Variants in RBFOX1 observed in about 807,000 individuals in gnomAD.
RBFOX1 encodes RNA binding fox-1 homolog 1.
A neutral mutation model predicts 57.7 loss-of-function variants in RBFOX1; 8 were observed. The ratio of observed to expected loss-of-function variants is 0.14; its 90% CI spans 0.08 to 0.25. RBFOX1 has a LOEUF of 0.25. RBFOX1 is among the 10% of genes least tolerant of loss of function. The pLI is 1.00. For missense variants in RBFOX1, 611 were observed against 548.5 expected (o/e 1.11, Z -1.14); for synonymous variants, 326 against 222.4 (o/e 1.47, Z -4.15).
chr16:7,122,799 A>G (rs1318992186), intron 4 of RBFOX1, among the ~76,000 whole-genome samples: 2 of 152,188 alleles, frequency 1.3e-5, no homozygotes, highest in Non-Finnish European at 2.9e-5. Context: ...CCCCCTAGAA[A>G]CAAGCCATAT....
intron 14 of RBFOX1, among the ~76,000 whole-genome samples, chr16:7,708,222 G>A (rs957599568): frequency 6.6e-6 from 1 of 151,920 alleles, no homozygotes; most frequent in East Asian, 1.9e-4. Flanking sequence ...GCGACCTTGA[G>A]CAAGTGACTT....
At chr16:5,856,294 CACACACA>C (rs2057053924) in intron 3 of RBFOX1, among the ~76,000 whole-genome samples, 2 of 79,572 alleles carry the variant, frequency 2.5e-5, no homozygotes, top group Non-Finnish European at 4.8e-5. Flanking sequence ...TACACACACA[CACACACA>C]CACACACACA....
intron 1 of RBFOX1, among the ~76,000 whole-genome samples, chr16:6,211,165 A>G (rs902342127): frequency 6.7e-6 from 1 of 148,798 alleles, no homozygotes; most frequent in Non-Finnish European, 1.5e-5. Context: ...TTTTGCTTCC[A>G]TGAGACAGAG....
chr16:5,751,472 A>G (rs1430789742), intron 3 of RBFOX1, among the ~76,000 whole-genome samples: 1 of 152,236 alleles, frequency 6.6e-6, no homozygotes, highest in Admixed American at 6.5e-5. Context: ...ACTTCTGCTT[A>G]AAATCAGATA....
intron 3 of RBFOX1, among the ~76,000 whole-genome samples, chr16:6,822,854 T>A (rs977679535): frequency 6.6e-6 from 1 of 152,196 alleles, no homozygotes; most frequent in African/African-American, 2.4e-5. Context: ...TCTTTGTGCC[T>A]TAAAATGCCT....
chr16:7,700,221 G>A (rs2080216451), intron 14 of RBFOX1, among the ~76,000 whole-genome samples: 1 of 152,120 alleles, frequency 6.6e-6, no homozygotes, highest in South Asian at 2.1e-4. Context: ...ACATAAAATA[G>A]ACGAGAGGCA....
intron 4 of RBFOX1, chr16:7,126,348 G>C (rs1257780412): frequency 3.8e-6 from 1 of 263,802 alleles, no homozygotes; most frequent in Non-Finnish European, 7.5e-6. Flanking sequence ...AAATCGAGGT[G>C]GGGGTTTTTG....
At chr16:5,344,279 C>G (rs1399971612) in intron 1 of RBFOX1, among the ~76,000 whole-genome samples, 2 of 152,190 alleles carry the variant, frequency 1.3e-5, no homozygotes, top group Non-Finnish European at 2.9e-5. Flanking sequence ...CCTGCTAAAC[C>G]ATGTGGTCCC....
At chr16:7,292,396 A>T in intron 4 of RBFOX1, among the ~76,000 whole-genome samples, 1 of 141,292 alleles carries the variant, frequency 7.1e-6, no homozygotes, top group East Asian at 2.0e-4. Flanking sequence ...ATGATATATA[A>T]TATGTAATGT....
intron 9 of RBFOX1, among the ~76,000 whole-genome samples, chr16:7,602,553 C>A (rs1056366641): frequency 2.6e-5 from 4 of 152,168 alleles, no homozygotes; most frequent in African/African-American, 9.7e-5. Context: ...TGTTCATCTT[C>A]CTGACAGTGC....
intron 1 of RBFOX1, among the ~76,000 whole-genome samples, chr16:5,346,366 A>G (rs1193671837): frequency 2.0e-5 from 3 of 152,220 alleles, no homozygotes; most frequent in African/African-American, 7.2e-5. Context: ...CATTACATAA[A>G]TTGTCAGGAG....
intron 2 of RBFOX1, among the ~76,000 whole-genome samples, chr16:6,380,745 C>T (rs1348137577): frequency 1.3e-5 from 2 of 151,988 alleles, no homozygotes; most frequent in Admixed American, 1.3e-4. Context: ...AACTCTGGGT[C>T]CAAAGGAGAA....
chr16:6,217,317 A>C (rs374253727), intron 1 of RBFOX1, among the ~76,000 whole-genome samples: 3 of 151,984 alleles, frequency 2.0e-5, no homozygotes, highest in South Asian at 4.1e-4. Context: ...TTATTGGAGC[A>C]TGCATGTGTT....
intron 4 of RBFOX1, among the ~76,000 whole-genome samples, chr16:7,397,549 A>C (rs899206003): frequency 6.6e-6 from 1 of 152,158 alleles, no homozygotes; most frequent in Non-Finnish European, 1.5e-5. Flanking sequence ...TTTTTTCTGA[A>C]CTTTGAAAGT....
At position 6,497,495 on chromosome 16, in the gene RBFOX1, G is replaced by A. The variant is rs138262182; in HGVS notation, c.-63-157108G>A. On this transcript the variant is annotated intron_variant, in intron 2 of 15. Coordinates refer to ENST00000550418, the MANE Select transcript of RBFOX1 (RefSeq NM_018723.4). ...TAGAAGAACAGCTCTTCAAAATGCC[G>A]CAATGGAGCAAGGACATGTGGAATA... Among the ~76,000 whole-genome samples the A allele has an allele frequency of 6.6e-5, 10 of 151,880 alleles. No individual in the cohort carries two copies. In the East Asian group the frequency reaches 1.6e-3, roughly 24 times the overall value.
At chr16:5,347,456 T>A (rs1039502856) in intron 1 of RBFOX1, among the ~76,000 whole-genome samples, 1 of 152,150 alleles carries the variant, frequency 6.6e-6, no homozygotes, top group Non-Finnish European at 1.5e-5. Flanking sequence ...AAGCACTAAA[T>A]AAGCAGAAGA....
chr16:7,285,177 T>G (rs1232583760), intron 4 of RBFOX1, among the ~76,000 whole-genome samples: 1 of 151,528 alleles, frequency 6.6e-6, no homozygotes, highest in African/African-American at 2.4e-5. Flanking sequence ...AATTTGATTT[T>G]TAATTGGAAT....
chr16:7,087,766 C>T (rs967507168), intron 4 of RBFOX1, among the ~76,000 whole-genome samples: 17 of 152,174 alleles, frequency 1.1e-4, no homozygotes, highest in Non-Finnish European at 2.5e-4. Flanking sequence ...CCACTGCTTT[C>T]AGTTTTTCTT....
intron 4 of RBFOX1, among the ~76,000 whole-genome samples, chr16:7,159,421 G>A (rs759474927): frequency 2.0e-5 from 3 of 152,098 alleles, no homozygotes; most frequent in African/African-American, 7.2e-5. Context: ...GACAGGATTA[G>A]CATCTATGTC....
Sources: allele counts gnomAD v4.1 joint callset (sites outside exome capture counted in the v4.1 genomes callset), GRCh38; gene constraint gnomAD v4.1.1; transcripts MANE v1.5; gene names NCBI Gene and HGNC (gene_info 2026-07-23, HGNC 2026-07-21).